The following EFCAB3 variants were observed in gnomAD, a reference collection of about 807,000 sequenced individuals.
EFCAB3 encodes the protein EF-hand calcium binding domain 3, also known as EF-hand calcium-binding domain-containing protein 3.
Under a neutral mutation model 42.2 loss-of-function variants are expected in EFCAB3, and 36 were observed. The ratio of observed to expected loss-of-function variants is 0.85; its 90% CI spans 0.65 to 1.13. The LOEUF is 1.13. EFCAB3 is among the 50% of genes most tolerant of loss of function. The pLI, the probability that EFCAB3 is intolerant of heterozygous loss-of-function variation, is 0.00. For missense variants in EFCAB3, 418 were observed against 505.1 expected, an observed-to-expected ratio of 0.83 and a Z score of 1.65; for synonymous variants, 170 against 172.8, an observed-to-expected ratio of 0.98 and a Z score of 0.13.
In EFCAB3 at chr17:62,399,653, C is replaced by A. The variant is rs142364814; in HGVS notation, c.488+4465C>A. Among the ~76,000 whole-genome samples the A allele has an allele frequency of 8.4e-3, 1,285 of 152,168 alleles. 11 individuals carry two copies. Among genetic ancestry groups the A allele is most frequent in the Non-Finnish European group, 0.012 (838 of 67,990 alleles). ...CTTTTCCCTCTATCTGGATACTTTT[C>A]CCCTGGATAGACCATGACTCACTCA... On this transcript the variant is annotated intron_variant, in intron 6 of 9. Transcript: ENST00000305286.
chr17:62,373,683 A>G, intron 1 of EFCAB3: 3 of 619,296 alleles, frequency 4.8e-6, no homozygotes, highest in Non-Finnish European at 5.8e-6. Flanking sequence ...CCAAATTCCA[A>G]AGCAAACCAA....
chr17:62,372,637 C>T (rs1010784613), intron 1 of EFCAB3, among the ~76,000 whole-genome samples: 2 of 152,140 alleles, frequency 1.3e-5, no homozygotes, highest in African/African-American at 4.8e-5. Context: ...CTCATCTACT[C>T]TCTTTCCAAA....
intron 6 of EFCAB3, among the ~76,000 whole-genome samples, chr17:62,398,593 T>C (rs2070374322): frequency 6.6e-6 from 1 of 150,938 alleles, no homozygotes; most frequent in Admixed American, 6.6e-5. Flanking sequence ...TGCTTGAGCC[T>C]GGGGGTCAAG....
chr17:62,375,605 G>T (rs1204904625), upstream of EFCAB3, among the ~76,000 whole-genome samples: 1 of 152,180 alleles, frequency 6.6e-6, no homozygotes, highest in Non-Finnish European at 1.5e-5. Context: ...CTAGTCTCCT[G>T]CTTTCAGATA....
upstream of EFCAB3, chr17:62,380,432 C>A: frequency 3.7e-6 from 1 of 273,342 alleles, no homozygotes; most frequent in Non-Finnish European, 5.6e-6. Flanking sequence ...ACCAAGGGTG[C>A]TGAATGAACC....
At chr17:62,399,485 A>G (rs1449780599) in intron 6 of EFCAB3, among the ~76,000 whole-genome samples, 1 of 152,116 alleles carries the variant, frequency 6.6e-6, no homozygotes, top group African/African-American at 2.4e-5. Context: ...AGCCTTTACA[A>G]TGACATATTG....
chr17:62,416,236 C>T lies in EFCAB3; in HGVS notation c.1224C>T (p.Asn408=). 6.2e-7 allele frequency: 1 copy of T among 1,613,916 alleles called. No individual in the cohort carries two copies. Among genetic ancestry groups the T allele is most frequent in the Non-Finnish European group, 8.5e-7 (1 of 1,179,846 alleles). Residue 408 remains asparagine (N), a synonymous_variant, in exon 10 of 10, where the codon AAC becomes AAT. Coordinates refer to ENST00000305286, the MANE Select transcript of EFCAB3 (RefSeq NM_173503.4). ...DAYVNRNSSH[N]SRSSSSSDTS... Reference sequence around the variant, plus strand: ...ATGTGAATAGAAATTCCTCCCATAACTCCAGATCCTCTTCCTCATCAGATA... The same window carrying T: ...ATGTGAATAGAAATTCCTCCCATAATTCCAGATCCTCTTCCTCATCAGATA...
chr17:62,406,482 A>G lies in EFCAB3; in HGVS notation c.491A>G (p.Tyr164Cys), dbSNP rs773295132. The change falls in exon 7 of 10, where the codon TAT (tyrosine) becomes TGT (cysteine). Residue 164 changes from tyrosine to cysteine, a missense_variant and splice_region_variant. By Grantham distance (194) the Tyr-to-Cys change is radical. Transcript: ENST00000305286. ...PRKSIIEIVS[Y>C]FQRKFQHTGP... ...CTGAATTACTTTTTTTTTTAAAGCTATTTCCAAAGAAAATTCCAGCATACT... is the reference window on the plus strand; with the variant it reads ...CTGAATTACTTTTTTTTTTAAAGCTGTTTCCAAAGAAAATTCCAGCATACT... 6 of 1,572,840 alleles carry G rather than the reference A, an allele frequency of 3.8e-6. No individual in the cohort carries two copies. The Admixed American group carries it at 5.7e-5, about 15-fold the overall frequency.
At chr17:62,384,735 T>C (rs2070234026) in intron 2 of EFCAB3, among the ~76,000 whole-genome samples, 1 of 152,234 alleles carries the variant, frequency 6.6e-6, no homozygotes, top group Non-Finnish European at 1.5e-5. Flanking sequence ...TTGTTTATAT[T>C]TAGAAATACA....
intron 6 of EFCAB3, among the ~76,000 whole-genome samples, chr17:62,401,671 A>G (rs574746195): frequency 1.6e-4 from 24 of 152,282 alleles, no homozygotes; most frequent in African/African-American, 5.5e-4. Flanking sequence ...TACCAGTACC[A>G]TGCTGTTTTG....
chr17:62,393,495 T>G (rs921326779), intron 4 of EFCAB3, 78 bp from the exon 5 acceptor site: 4 of 1,160,018 alleles, frequency 3.4e-6, no homozygotes, highest in Admixed American at 2.3e-5. Flanking sequence ...CAGAGTGTTT[T>G]AATTTTTATA....
chr17:62,385,263 A>G (rs2070238860), intron 2 of EFCAB3, among the ~76,000 whole-genome samples: 1 of 152,074 alleles, frequency 6.6e-6, no homozygotes, highest in African/African-American at 2.4e-5. Context: ...GAGCAACATA[A>G]GGAGATCTTG....
chr17:62,384,231 G>T lies in EFCAB3; in HGVS notation c.74+1178G>T, dbSNP rs114617220. Among the ~76,000 whole-genome samples the T allele has an allele frequency of 8.1e-3, 1,232 of 152,264 alleles. 15 individuals are homozygous for T. The highest frequency in any genetic ancestry group is 0.028 in the African/African-American group (1,178 of 41,536). On this transcript the variant is annotated intron_variant, in intron 2 of 9. Coordinates refer to ENST00000305286, the MANE Select transcript of EFCAB3 (RefSeq NM_173503.4). Reference sequence around the variant, plus strand: ...GGATTGGGTTCATTCCAAATGTAAGGTTCTTCAGTCATTTGAAACTTTGAA... The same window carrying T: ...GGATTGGGTTCATTCCAAATGTAAGTTTCTTCAGTCATTTGAAACTTTGAA...
At chr17:62,411,316 T>C (rs1272987227) in intron 8 of EFCAB3, among the ~76,000 whole-genome samples, 1 of 152,226 alleles carries the variant, frequency 6.6e-6, no homozygotes, top group African/African-American at 2.4e-5. Flanking sequence ...GAGAGGTGTT[T>C]AGTAATGACT....
chr17:62,395,234 A>G, intron 6 of EFCAB3, 46 bp downstream of exon 6: 1 of 1,603,420 alleles, frequency 6.2e-7, no homozygotes, highest in Non-Finnish European at 8.5e-7. Context: ...CAGAAGCATT[A>G]TGAAGATATT....
At chr17:62,377,422 C>T (rs974405597), upstream of EFCAB3, among the ~76,000 whole-genome samples, 3 of 152,080 alleles carry the variant, frequency 2.0e-5, no homozygotes, top group African/African-American at 4.8e-5. Flanking sequence ...AACAAAACTA[C>T]TCCCACATTT....
chr17:62,390,895 C>T lies in EFCAB3; in HGVS notation c.152-927C>T, dbSNP rs186258673. ...GATATATTTTGTTCCAGGTTTATTTCGTCATTCTCTAATTTCAGAAAATAC... is the reference window on the plus strand; with the variant it reads ...GATATATTTTGTTCCAGGTTTATTTTGTCATTCTCTAATTTCAGAAAATAC... On this transcript the variant is annotated intron_variant, in intron 3 of 9. Coordinates refer to ENST00000305286, the MANE Select transcript of EFCAB3 (RefSeq NM_173503.4). Among the ~76,000 whole-genome samples, 11 of 152,220 alleles carry T rather than the reference C, an allele frequency of 7.2e-5. 1 individual carries two copies. Among genetic ancestry groups the T allele is most frequent in the Admixed American group, 2.6e-4 (4 of 15,294 alleles).
In EFCAB3 at chr17:62,411,237, C is replaced by T. The variant is rs538039128; in HGVS notation, c.868-2495C>T. 5.3e-5 allele frequency among the ~76,000 whole-genome samples: 8 copies of T among 152,104 alleles called. No homozygotes were observed. The East Asian group carries it at 1.2e-3, about 22-fold the overall frequency. On this transcript the variant is annotated intron_variant, in intron 8 of 9. Coordinates refer to ENST00000305286, the MANE Select transcript of EFCAB3 (RefSeq NM_173503.4). ...CTCTCAAAAAAAGTCAGTAGGTAAACAAGAGGAGTATCATAATTTGATATA... is the reference window on the plus strand; with the variant it reads ...CTCTCAAAAAAAGTCAGTAGGTAAATAAGAGGAGTATCATAATTTGATATA...
chr17:62,415,123 A>C (rs895262669), intron 9 of EFCAB3, among the ~76,000 whole-genome samples: 4 of 151,738 alleles, frequency 2.6e-5, no homozygotes, highest in African/African-American at 7.3e-5. Context: ...AAAAAACAAA[A>C]AAAAACAAAA....
Sources: allele counts gnomAD v4.1 joint callset (sites outside exome capture counted in the v4.1 genomes callset), GRCh38; gene constraint gnomAD v4.1.1; transcripts MANE v1.5; gene names NCBI Gene and HGNC (gene_info 2026-07-23, HGNC 2026-07-21).